Variants in MACROD2 observed in about 807,000 individuals in gnomAD.
The protein encoded by MACROD2 is ADP-ribose glycohydrolase MACROD2.
A neutral mutation model predicts 70.4 loss-of-function variants in MACROD2; 36 were observed. That is an observed-to-expected ratio of 0.51 (90% CI 0.39 to 0.68). The LOEUF is 0.68. Among genes scored for constraint, MACROD2 ranks in the 30% least tolerant of loss-of-function variants. The probability of loss-of-function intolerance (pLI) is 0.00; values close to 1 mark genes in which losing one functional copy is unlikely to be tolerated. For missense variants in MACROD2, 496 were observed against 538.4 expected, an observed-to-expected ratio of 0.92 and a Z score of 0.78; for synonymous variants, 172 against 178.8, an observed-to-expected ratio of 0.96 and a Z score of 0.30.
chr20:14,402,324 G>T (rs944683461), intron 3 of MACROD2, among the ~76,000 whole-genome samples: 1 of 152,092 alleles, frequency 6.6e-6, no homozygotes, highest in East Asian at 1.9e-4. Context: ...GGAATAAAAT[G>T]TACCCAAGAG....
chr20:15,689,316 A>AT (rs1219438258), intron 8 of MACROD2, among the ~76,000 whole-genome samples: 1 of 152,084 alleles, frequency 6.6e-6, no homozygotes, highest in Non-Finnish European at 1.5e-5. Flanking sequence ...AAAAAAAAAA[A>AT]AGATAGATTG....
intron 3 of MACROD2, chr20:14,325,086 A>AATTTATTAT (rs1246048640): frequency 6.5e-6 from 1 of 152,698 alleles, no homozygotes; most frequent in Admixed American, 6.6e-5. Flanking sequence ...TTTAAAATTA[A>AATTTATTAT]ATTTTATCTC....
intron 6 of MACROD2, among the ~76,000 whole-genome samples, chr20:15,313,723 G>T (rs2077778658): frequency 6.6e-6 from 1 of 152,092 alleles, no homozygotes; most frequent in African/African-American, 2.4e-5. Context: ...CTTCCACTGG[G>T]TGTAGTGGAT....
chr20:15,584,976 G>C (rs1478148022), intron 8 of MACROD2, among the ~76,000 whole-genome samples: 1 of 152,188 alleles, frequency 6.6e-6, no homozygotes, highest in Non-Finnish European at 1.5e-5. Context: ...GTTGGCACCA[G>C]TCTTTCCAGG....
chr20:15,399,831 G>A (rs934528647), intron 6 of MACROD2, among the ~76,000 whole-genome samples: 2 of 152,170 alleles, frequency 1.3e-5, no homozygotes, highest in Non-Finnish European at 1.5e-5. Context: ...AAGTTGAAAA[G>A]GCCTCCAAGG....
intron 13 of MACROD2, among the ~76,000 whole-genome samples, chr20:15,985,029 C>A (rs1274345457): frequency 6.6e-6 from 1 of 152,096 alleles, no homozygotes; most frequent in African/African-American, 2.4e-5. Flanking sequence ...AAACAAGGGA[C>A]CTGTCCAGGC....
intron 3 of MACROD2, among the ~76,000 whole-genome samples, chr20:14,254,886 G>T (rs959299966): frequency 1.3e-5 from 2 of 152,044 alleles, no homozygotes; most frequent in African/African-American, 4.8e-5. Flanking sequence ...GGTACCGGTT[G>T]TTCCTTTCCA....
intron 5 of MACROD2, among the ~76,000 whole-genome samples, chr20:14,965,453 C>CTTTTT (rs532870999): frequency 2.9e-3 from 198 of 68,086 alleles, no homozygotes; most frequent in Non-Finnish European, 3.6e-3. Flanking sequence ...ATTTTTTTTT[C>CTTTTT]TTTTTTTTTT....
intron 2 of MACROD2, among the ~76,000 whole-genome samples, chr20:14,011,980 C>T (rs1173653486): frequency 6.6e-6 from 1 of 152,118 alleles, no homozygotes; most frequent in East Asian, 1.9e-4. Flanking sequence ...ATGATCTTAG[C>T]TCACTGCAAC....
At chr20:15,977,703 C>G (rs1253938697) in intron 13 of MACROD2, among the ~76,000 whole-genome samples, 1 of 152,130 alleles carries the variant, frequency 6.6e-6, no homozygotes, top group East Asian at 1.9e-4. Context: ...AAGACAGACA[C>G]AACTACATCA....
At chr20:15,206,170 G>A (rs941237757) in intron 5 of MACROD2, among the ~76,000 whole-genome samples, 2 of 151,938 alleles carry the variant, frequency 1.3e-5, no homozygotes, top group African/African-American at 4.8e-5. Flanking sequence ...ACGTGGTTTA[G>A]GTATAAATAT....
chr20:15,529,686 C>T (rs569063203), intron 8 of MACROD2, among the ~76,000 whole-genome samples: 8 of 152,020 alleles, frequency 5.3e-5, no homozygotes, highest in African/African-American at 1.9e-4. Flanking sequence ...TGTTGTATAA[C>T]CTTTCAAAAA....
chr20:15,772,829 A>C (rs1433800628), intron 8 of MACROD2, among the ~76,000 whole-genome samples: 1 of 152,176 alleles, frequency 6.6e-6, no homozygotes, highest in Non-Finnish European at 1.5e-5. Flanking sequence ...GTTTCCCAAA[A>C]ATCTATTGCA....
At chr20:14,988,322 C>G (rs1388635466) in intron 5 of MACROD2, among the ~76,000 whole-genome samples, 2 of 146,282 alleles carry the variant, frequency 1.4e-5, no homozygotes, top group Non-Finnish European at 3.0e-5. Flanking sequence ...AGAGATTGTG[C>G]CACTGTACTC....
chr20:14,810,208 A>G (rs1383467861), intron 5 of MACROD2, among the ~76,000 whole-genome samples: 2 of 152,102 alleles, frequency 1.3e-5, no homozygotes. Context: ...CTGGCAAACC[A>G]AATCCAACAG....
intron 3 of MACROD2, among the ~76,000 whole-genome samples, chr20:14,277,416 G>A (rs1362608221): frequency 6.6e-6 from 1 of 152,294 alleles, no homozygotes; most frequent in South Asian, 2.1e-4. Flanking sequence ...GCACTCCAGC[G>A]TGGTGACAGA....
chr20:15,305,166 C>T (rs981320360), intron 6 of MACROD2, among the ~76,000 whole-genome samples: 6 of 151,990 alleles, frequency 3.9e-5, no homozygotes, highest in African/African-American at 7.2e-5. Flanking sequence ...CCTTGGGCCT[C>T]GTGTTCTCAT....
At chr20:15,096,988 T>G (rs917938559) in intron 5 of MACROD2, among the ~76,000 whole-genome samples, 14 of 151,644 alleles carry the variant, frequency 9.2e-5, no homozygotes, top group African/African-American at 3.4e-4. Context: ...ATTTTTGCAT[T>G]TTTAGTAAAG....
At chr20:15,342,301 T>G (rs2078118741) in intron 6 of MACROD2, among the ~76,000 whole-genome samples, 2 of 152,270 alleles carry the variant, frequency 1.3e-5, no homozygotes, top group South Asian at 4.2e-4. Context: ...GAGCAGGCAT[T>G]GTTAATTTAG....
Sources: gnomAD v4.1 joint callset for allele counts (sites outside exome capture counted in the v4.1 genomes callset) on GRCh38, gnomAD v4.1.1 for gene constraint, MANE v1.5 for transcripts, NCBI Gene and HGNC (gene_info 2026-07-23, HGNC 2026-07-21) for gene names.